Variants in B4GALNT2 observed in about 807,000 individuals in gnomAD.
The protein encoded by B4GALNT2 is beta-1,4-N-acetyl-galactosaminyltransferase 2 (SID blood group).
Under a neutral mutation model 51.1 loss-of-function variants are expected in B4GALNT2, and 42 were observed. The ratio of observed to expected loss-of-function variants is 0.82; its 90% CI spans 0.64 to 1.06. B4GALNT2 has a LOEUF of 1.06. Ranked by LOEUF, B4GALNT2 falls within the 50% of genes least tolerant of loss-of-function variation. B4GALNT2 has a pLI of 0.00. For missense variants in B4GALNT2, 602 were observed against 633.6 expected, an observed-to-expected ratio of 0.95 and a Z score of 0.54; for synonymous variants, 253 against 251.7, an observed-to-expected ratio of 1.01 and a Z score of -0.05.
At chr17:49,128,687 C>T (rs10853106), upstream of B4GALNT2, among the ~76,000 whole-genome samples, 77,087 of 151,878 alleles carry the variant, frequency 0.51, 19,961 homozygotes, top group Middle Eastern at 0.62. Context: ...TTTGGGCCTT[C>T]GGCTCGAAAT....
At position 49,160,554 on chromosome 17, in the gene B4GALNT2, G is replaced by A. The variant is rs1255940830; in HGVS notation, c.680-1G>A. 6.2e-7 allele frequency: 1 copy of A among 1,613,554 alleles called. No individual in the cohort carries two copies. The highest frequency in any genetic ancestry group is 1.1e-5 in the South Asian group (1 of 91,074). On this transcript the variant is annotated splice_acceptor_variant, in intron 6 of 10. Transcript: ENST00000393354. LOFTEE classifies it high-confidence loss of function. ...TGCCATTATCTTATTTCTCCCTCCA[G>A]TGAGTCTGGAGTCCAGGTCCTCAGT...
chr17:49,124,826 C>T, the B4GALNT2 span, among the ~76,000 whole-genome samples: 89 of 152,248 alleles, frequency 5.8e-4, no homozygotes, highest in Middle Eastern at 3.4e-3. Context: ...CAGGTTAGTG[C>T]TTTAAGAGAA....
chr17:49,128,623 C>A (rs2042522354), upstream of B4GALNT2, among the ~76,000 whole-genome samples: 1 of 152,132 alleles, frequency 6.6e-6, no homozygotes. Context: ...GTTTGCCATT[C>A]CTGGTTATAA....
chr17:49,164,014 A>G (rs1239966888), intron 7 of B4GALNT2, 74 bp from the exon 8 acceptor site: 1 of 1,427,360 alleles, frequency 7.0e-7, no homozygotes, highest in Non-Finnish European at 9.6e-7. Context: ...GAAAGAAGCC[A>G]TCAGATCAAA....
chr17:49,156,439 C>A (rs2042810982), intron 4 of B4GALNT2, 127 bp from the exon 5 acceptor site: 3 of 981,666 alleles, frequency 3.1e-6, no homozygotes, highest in South Asian at 1.6e-5. Context: ...AGCAAACACT[C>A]TGGGCGGGAG....
chr17:49,133,945 ACAAAC>A lies in B4GALNT2; in HGVS notation c.14+1140_14+1144del, dbSNP rs199557383. On this transcript the variant is annotated intron_variant, in intron 1 of 10. Coordinates refer to ENST00000393354, the MANE Select transcript of B4GALNT2 (RefSeq NM_001159387.2). Reference sequence around the variant, plus strand: ...ACAAACAAACAAAACAAACAAACAAACAAACAAAAAGCAGCAACACACGTTGAATA... The same window carrying A: ...ACAAACAAACAAAACAAACAAACAAAAAAAAGCAGCAACACACGTTGAATA... Among the ~76,000 whole-genome samples the A allele has an allele frequency of 7.5e-3, 1,138 of 152,126 alleles. 8 individuals are homozygous for A. The highest frequency in any genetic ancestry group is 0.022 in the African/African-American group (923 of 41,508).
At chr17:49,160,717 TGAGACGGAGGA>T in intron 7 of B4GALNT2, 76 bp downstream of exon 7, 2 of 1,343,000 alleles carry the variant, frequency 1.5e-6, no homozygotes, top group Non-Finnish European at 2.1e-6. Context: ...GGATCACCTC[TGAGACGGAGGA>T]GAATTGATCA....
chr17:49,143,270 A>C (rs1179973592), intron 3 of B4GALNT2, among the ~76,000 whole-genome samples: 2 of 147,906 alleles, frequency 1.4e-5, no homozygotes, highest in Non-Finnish European at 3.0e-5. Flanking sequence ...AAGAGAAAAA[A>C]CAAACAAACA....
intron 1 of B4GALNT2, among the ~76,000 whole-genome samples, chr17:49,134,814 C>T (rs575114284): frequency 1.7e-4 from 26 of 152,304 alleles, no homozygotes; most frequent in Middle Eastern, 3.4e-3. Context: ...TAGTCCCGAA[C>T]TCCTGACCTC....
At chr17:49,169,488 G>C (rs1456835129) in intron 10 of B4GALNT2, 35 bp from the exon 11 acceptor site, 1 of 1,592,864 alleles carries the variant, frequency 6.3e-7, no homozygotes, top group Non-Finnish European at 8.6e-7. Context: ...TCTGACCGCA[G>C]CTCCCACTTC....
chr17:49,147,758 A>T (rs2042709085), intron 3 of B4GALNT2, among the ~76,000 whole-genome samples: 1 of 151,984 alleles, frequency 6.6e-6, no homozygotes. Context: ...TTCCCTTGTA[A>T]ACCTAGCTAA....
At chr17:49,156,634 T>C in intron 5 of B4GALNT2, 31 bp downstream of exon 5, 1 of 1,610,732 alleles carries the variant, frequency 6.2e-7, no homozygotes. Context: ...CTCTTTGCAC[T>C]TGGTGTCCTG....
chr17:49,126,320 C>T, the B4GALNT2 span, among the ~76,000 whole-genome samples: 16 of 152,016 alleles, frequency 1.1e-4, no homozygotes, highest in South Asian at 2.1e-4. Flanking sequence ...TTAAGAGTCA[C>T]CACCACTCCC....
chr17:49,134,409 A>G (rs184091303), intron 1 of B4GALNT2, among the ~76,000 whole-genome samples: 4 of 152,170 alleles, frequency 2.6e-5, no homozygotes, highest in East Asian at 3.9e-4. Context: ...AAACTATATT[A>G]TTATCATTAT....
chr17:49,127,791 T>C (rs1375795552), upstream of B4GALNT2, among the ~76,000 whole-genome samples: 1 of 151,998 alleles, frequency 6.6e-6, no homozygotes, highest in Non-Finnish European at 1.5e-5. Context: ...ATTCTAGGGG[T>C]TCCATAAGGA....
rs752730795 is a variant in B4GALNT2 at position 49,176,221 on chromosome 17, T to C, written c.*6493T>C. ...GCCACTTGCCGACACCAGCTCGGTC[T>C]TGGAGACCCTAACCCAGCGGCGCTA... On this transcript the variant is annotated 3_prime_UTR_variant, in exon 11 of 11. Coordinates refer to ENST00000393354, the MANE Select transcript of B4GALNT2 (RefSeq NM_001159387.2). 1 of 152,238 alleles carries C rather than the reference T, an allele frequency of 6.6e-6. No homozygotes were observed. The highest frequency in any genetic ancestry group is 1.5e-5 in the Non-Finnish European group (1 of 68,072). 9.4% of individuals were successfully genotyped at this position (152,238 alleles called of 1,614,324 possible). A position where few individuals can be genotyped will look rare whatever the true frequency, so the allele number is the denominator to read the frequency against.
At chr17:49,157,012 A>T (rs2042816912) in intron 5 of B4GALNT2, among the ~76,000 whole-genome samples, 1 of 152,192 alleles carries the variant, frequency 6.6e-6, no homozygotes, top group Admixed American at 6.5e-5. Flanking sequence ...TGGGATGCAA[A>T]TTGTGCCCAG....
intron 5 of B4GALNT2, among the ~76,000 whole-genome samples, chr17:49,157,843 T>C (rs757772705): frequency 1.3e-5 from 2 of 152,230 alleles, no homozygotes; most frequent in Non-Finnish European, 2.9e-5. Flanking sequence ...TCTTCCACGC[T>C]GGAATACAAG....
chr17:49,159,343 G>GTTTTA, intron 6 of B4GALNT2, 126 bp downstream of exon 6: 1 of 1,100,408 alleles, frequency 9.1e-7, no homozygotes, highest in East Asian at 2.5e-5. Flanking sequence ...TGTTTGTTTT[G>GTTTTA]TTTTGTTTTG....
Sources: gnomAD v4.1 joint callset for allele counts (sites outside exome capture counted in the v4.1 genomes callset) on GRCh38, gnomAD v4.1.1 for gene constraint, MANE v1.5 for transcripts, NCBI Gene and HGNC (gene_info 2026-07-23, HGNC 2026-07-21) for gene names.